GRIN2B: variants seen among roughly 807,000 people sequenced by gnomAD.
GRIN2B encodes the protein glutamate ionotropic receptor NMDA type subunit 2B.
GRIN2B carries 5 observed loss-of-function variants against 114.5 expected under a neutral mutation model. The ratio of observed to expected loss-of-function variants is 0.04; its 90% CI spans 0.02 to 0.09. The LOEUF is 0.09. Among genes scored for constraint, GRIN2B ranks in the 10% least tolerant of loss-of-function variants. GRIN2B has a pLI of 1.00. For missense variants in GRIN2B, 1,108 were observed against 1,943.5 expected (o/e 0.57, Z 8.08); for synonymous variants, 787 against 745.1 (o/e 1.06, Z -0.92).
chr12:13,758,071 G>A (rs892900051), intron 3 of GRIN2B, among the ~76,000 whole-genome samples: 1 of 152,160 alleles, frequency 6.6e-6, no homozygotes, highest in Non-Finnish European at 1.5e-5. Context: ...TCCGTTTCCT[G>A]GGGTAAATGG....
At chr12:13,785,876 T>A (rs1299185844) in intron 3 of GRIN2B, among the ~76,000 whole-genome samples, 1 of 152,156 alleles carries the variant, frequency 6.6e-6, no homozygotes, top group Non-Finnish European at 1.5e-5. Context: ...AGAGCTAAAA[T>A]TTGAATCTAA....
intron 2 of GRIN2B, among the ~76,000 whole-genome samples, chr12:13,963,086 G>A (rs1466102886): frequency 6.6e-6 from 1 of 152,182 alleles, no homozygotes; most frequent in Non-Finnish European, 1.5e-5. Context: ...CAGAGAAGCT[G>A]ATGGAAGTTC....
At chr12:13,754,478 G>A (rs1418181237) in intron 3 of GRIN2B, among the ~76,000 whole-genome samples, 5 of 152,150 alleles carry the variant, frequency 3.3e-5, no homozygotes, top group East Asian at 1.9e-4. Flanking sequence ...ACCTATCTAC[G>A]GAGGTGAGAT....
chr12:13,658,382 C>T (rs1262109551), intron 5 of GRIN2B, among the ~76,000 whole-genome samples: 1 of 152,076 alleles, frequency 6.6e-6, no homozygotes. Context: ...GACTGCTATA[C>T]TTTTGACATC....
intron 4 of GRIN2B, among the ~76,000 whole-genome samples, chr12:13,747,598 C>T (rs898627198): frequency 1.5e-4 from 23 of 152,154 alleles, no homozygotes; most frequent in African/African-American, 5.3e-4. Flanking sequence ...TGTGCATATA[C>T]ATAAAAATGT....
intron 2 of GRIN2B, among the ~76,000 whole-genome samples, chr12:13,947,692 A>T (rs1291439672): frequency 6.6e-6 from 1 of 152,146 alleles, no homozygotes; most frequent in East Asian, 1.9e-4. Context: ...TAGCATCAAA[A>T]GTGGCTGTTG....
chr12:13,594,551 C>CATTAGGAG (rs1179236254), intron 10 of GRIN2B, among the ~76,000 whole-genome samples: 5 of 151,826 alleles, frequency 3.3e-5, no homozygotes, highest in Non-Finnish European at 5.9e-5. Flanking sequence ...GGAAGGATAG[C>CATTAGGAG]ATTAGGAGAA....
At chr12:13,700,725 A>G (rs1242754464) in intron 4 of GRIN2B, among the ~76,000 whole-genome samples, 1 of 152,194 alleles carries the variant, frequency 6.6e-6, no homozygotes, top group East Asian at 1.9e-4. Context: ...CTTGGAGCTA[A>G]AATAAGCTGT....
At chr12:13,577,214 C>T (rs1591615726) in intron 10 of GRIN2B, among the ~76,000 whole-genome samples, 1 of 152,180 alleles carries the variant, frequency 6.6e-6, no homozygotes, top group South Asian at 2.1e-4. Flanking sequence ...AATTCCCATC[C>T]TTCCCACCGC....
intron 10 of GRIN2B, among the ~76,000 whole-genome samples, chr12:13,578,764 A>C (rs1404863399): frequency 6.6e-6 from 1 of 152,268 alleles, no homozygotes; most frequent in Admixed American, 6.5e-5. Context: ...GAAACAGCAT[A>C]ATAGGATAAA....
At chr12:13,683,308 A>T (rs1414911568) in intron 4 of GRIN2B, among the ~76,000 whole-genome samples, 4 of 152,164 alleles carry the variant, frequency 2.6e-5, no homozygotes, top group Non-Finnish European at 5.9e-5. Context: ...TATATAACAC[A>T]CGTACACACT....
At chr12:13,846,961 A>G (rs1319163747) in intron 3 of GRIN2B, among the ~76,000 whole-genome samples, 1 of 152,156 alleles carries the variant, frequency 6.6e-6, no homozygotes, top group Non-Finnish European at 1.5e-5. Context: ...GTGCAGGCAG[A>G]GGAAGGTTAA....
intron 2 of GRIN2B, among the ~76,000 whole-genome samples, chr12:13,911,678 G>A (rs912254553): frequency 3.9e-5 from 6 of 151,976 alleles, no homozygotes; most frequent in Non-Finnish European, 8.8e-5. Flanking sequence ...AGCCTAGTAC[G>A]TACACACGCA....
At chr12:13,840,371 T>A (rs1041519879) in intron 3 of GRIN2B, among the ~76,000 whole-genome samples, 5 of 152,146 alleles carry the variant, frequency 3.3e-5, no homozygotes, top group African/African-American at 1.2e-4. Context: ...TTACTGTGCA[T>A]TAGGAGGTGG....
chr12:13,670,111 A>G (rs150337620), intron 5 of GRIN2B, among the ~76,000 whole-genome samples: 76 of 152,098 alleles, frequency 5.0e-4, no homozygotes, highest in Middle Eastern at 6.8e-3. Context: ...CCTGAGTACT[A>G]TCATGGGTTC....
rs564304158 is a variant in GRIN2B, at chr12:13,633,798, G to A, written c.1126-17141C>T. Among the ~76,000 whole-genome samples, 11 of 152,266 alleles carry A rather than the reference G, an allele frequency of 7.2e-5. No individual in the cohort carries two copies. In the South Asian group the frequency reaches 1.0e-3, roughly 14 times the overall value. ...TCAACATTTTATTTGACTTGCAGAT[G>A]TATTCACAACTCATACCCAGTCAGT... On this transcript the variant is annotated intron_variant, in intron 5 of 13. Transcript: ENST00000609686.
intron 3 of GRIN2B, among the ~76,000 whole-genome samples, chr12:13,790,072 G>C (rs138458579): frequency 2.0e-5 from 3 of 152,340 alleles, no homozygotes; most frequent in African/African-American, 4.8e-5. Flanking sequence ...CACTTTCTCA[G>C]TTCTGATCTC....
chr12:13,759,121 C>T (rs560479195), intron 3 of GRIN2B, among the ~76,000 whole-genome samples: 1 of 149,488 alleles, frequency 6.7e-6, no homozygotes, highest in African/African-American at 2.5e-5. Context: ...AATTCTCATG[C>T]CTCAGCCTCC....
chr12:13,651,956 T>C (rs76606371), intron 5 of GRIN2B, among the ~76,000 whole-genome samples: 2 of 152,218 alleles, frequency 1.3e-5, no homozygotes, highest in East Asian at 1.9e-4. Flanking sequence ...TGTTCATCCA[T>C]TTAACATTTA....
Sources: gnomAD v4.1 joint callset for allele counts (sites outside exome capture counted in the v4.1 genomes callset) on GRCh38, gnomAD v4.1.1 for gene constraint, MANE v1.5 for transcripts, NCBI Gene and HGNC (gene_info 2026-07-23, HGNC 2026-07-21) for gene names.